Variants in LSAMP observed in about 807,000 individuals in gnomAD.
LSAMP encodes the protein limbic system-associated membrane protein.
In LSAMP, 7 loss-of-function variants were observed where a neutral mutation model predicts 38.6. The observed-to-expected ratio is 0.18, with a 90% CI of 0.10 to 0.34. The LOEUF (loss-of-function observed/expected upper bound fraction) is 0.34, where lower values mean the gene tolerates loss of function less well. LSAMP is among the 10% of genes least tolerant of loss of function. The probability of loss-of-function intolerance (pLI) is 1.00; values close to 1 mark genes in which losing one functional copy is unlikely to be tolerated. For missense variants in LSAMP, 313 were observed against 420.0 expected (o/e 0.75, Z 2.23); for synonymous variants, 154 against 166.8 (o/e 0.92, Z 0.59).
chr3:116,372,077 A>G (rs2048437019), intron 1 of LSAMP, among the ~76,000 whole-genome samples: 1 of 152,074 alleles, frequency 6.6e-6, no homozygotes, highest in Non-Finnish European at 1.5e-5. Flanking sequence ...GAAAGACAAC[A>G]CTATTAAGAT....
chr3:115,964,066 G>A (rs948029545), intron 3 of LSAMP, among the ~76,000 whole-genome samples: 8 of 152,100 alleles, frequency 5.3e-5, no homozygotes, highest in Non-Finnish European at 2.9e-5. Flanking sequence ...TTTAGTGTTA[G>A]TTTAAATGCC....
chr3:116,179,989 T>C (rs897005493), intron 1 of LSAMP, among the ~76,000 whole-genome samples: 3 of 152,232 alleles, frequency 2.0e-5, no homozygotes, highest in Admixed American at 2.0e-4. Flanking sequence ...TAAGTACTTA[T>C]AACATATTTA....
intron 3 of LSAMP, among the ~76,000 whole-genome samples, chr3:115,970,387 A>G (rs1320961407): frequency 6.6e-6 from 1 of 152,178 alleles, no homozygotes. Context: ...TTTGGCAATA[A>G]TTATAACAGT....
intron 3 of LSAMP, among the ~76,000 whole-genome samples, chr3:115,864,622 A>C (rs1020158339): frequency 6.6e-6 from 1 of 152,200 alleles, no homozygotes; most frequent in South Asian, 2.1e-4. Flanking sequence ...CAAGTCTTCT[A>C]AACTCCCTCA....
At chr3:116,330,866 G>A (rs776346005) in intron 1 of LSAMP, among the ~76,000 whole-genome samples, 2 of 151,956 alleles carry the variant, frequency 1.3e-5, no homozygotes, top group African/African-American at 4.8e-5. Context: ...AAATCATAAA[G>A]CATATAAAGA....
At chr3:116,279,432 T>A (rs553035334) in intron 1 of LSAMP, among the ~76,000 whole-genome samples, 226 of 152,316 alleles carry the variant, frequency 1.5e-3, no homozygotes, top group Middle Eastern at 3.4e-3. Flanking sequence ...TGTATAAACA[T>A]CACATCTTCA....
intron 3 of LSAMP, among the ~76,000 whole-genome samples, chr3:115,855,220 C>T (rs919743952): frequency 6.6e-6 from 1 of 152,086 alleles, no homozygotes; most frequent in Non-Finnish European, 1.5e-5. Flanking sequence ...TTTAGCTGCG[C>T]CAACTAAAGC....
chr3:116,333,568 C>T (rs1251615230), intron 1 of LSAMP, among the ~76,000 whole-genome samples: 1 of 149,282 alleles, frequency 6.7e-6, no homozygotes, highest in Non-Finnish European at 1.5e-5. Context: ...ATACAAGTAT[C>T]TTTTCTCAAC....
intron 1 of LSAMP, among the ~76,000 whole-genome samples, chr3:116,265,707 T>C (rs1471290886): frequency 6.6e-6 from 1 of 152,100 alleles, no homozygotes; most frequent in African/African-American, 2.4e-5. Flanking sequence ...TTAATCTAAT[T>C]GTGGTTAATC....
intron 1 of LSAMP, among the ~76,000 whole-genome samples, chr3:116,158,220 C>G (rs1197134866): frequency 6.6e-6 from 1 of 152,018 alleles, no homozygotes. Flanking sequence ...TAATAAGAGC[C>G]ATCTATGACA....
At chr3:116,221,937 C>T (rs571412996) in intron 1 of LSAMP, among the ~76,000 whole-genome samples, 2 of 150,964 alleles carry the variant, frequency 1.3e-5, no homozygotes, top group East Asian at 2.0e-4. Flanking sequence ...TCTCAAAAGA[C>T]TTTTTGGCCA....
intron 2 of LSAMP, among the ~76,000 whole-genome samples, chr3:116,039,274 T>A (rs1233772985): frequency 6.6e-6 from 1 of 152,216 alleles, no homozygotes; most frequent in Non-Finnish European, 1.5e-5. Context: ...CCCCCTCCTG[T>A]TTAGGTAATT....
rs866992876 is a variant in LSAMP, at chr3:116,257,770, T to A, written c.156-171214A>T. ...AACCTCATTACACCTACAGAGCTGC[T>A]GATACATGGTGGGTGCTCCATATAA... On this transcript the variant is annotated intron_variant, in intron 1 of 6. Transcript: ENST00000490035. 2.6e-5 allele frequency among the ~76,000 whole-genome samples: 4 copies of A among 152,322 alleles called. No homozygotes were observed. In the South Asian group the frequency reaches 6.2e-4, roughly 24 times the overall value.
At chr3:116,097,694 G>A (rs576073556) in intron 1 of LSAMP, among the ~76,000 whole-genome samples, 3 of 152,022 alleles carry the variant, frequency 2.0e-5, no homozygotes, top group Non-Finnish European at 4.4e-5. Context: ...AGGTAAAAGA[G>A]ACAAAGATAA....
intron 3 of LSAMP, among the ~76,000 whole-genome samples, chr3:115,974,843 A>C (rs1400521817): frequency 6.6e-6 from 1 of 151,958 alleles, no homozygotes; most frequent in African/African-American, 2.4e-5. Flanking sequence ...TTAAGGAGGG[A>C]GGTGGTTATA....
intron 3 of LSAMP, among the ~76,000 whole-genome samples, chr3:115,886,178 G>A (rs1201418625): frequency 6.6e-6 from 1 of 151,868 alleles, no homozygotes; most frequent in Non-Finnish European, 1.5e-5. Context: ...TTCTTTACTG[G>A]TAATGCAAAT....
chr3:116,326,296 A>G (rs969862305), intron 1 of LSAMP, among the ~76,000 whole-genome samples: 10 of 152,140 alleles, frequency 6.6e-5, no homozygotes, highest in Admixed American at 6.5e-4. Context: ...CCTATTCTCA[A>G]TTAGAATTAA....
chr3:116,260,778 G>C (rs2046815622), intron 1 of LSAMP, among the ~76,000 whole-genome samples: 1 of 152,148 alleles, frequency 6.6e-6, no homozygotes, highest in Non-Finnish European at 1.5e-5. Context: ...CAATTAGTGT[G>C]TATCTATGCC....
At chr3:116,211,227 A>C (rs2046152524) in intron 1 of LSAMP, among the ~76,000 whole-genome samples, 1 of 152,218 alleles carries the variant, frequency 6.6e-6, no homozygotes. Flanking sequence ...CAAAGGATGC[A>C]AAATTGCATT....
Sources: gnomAD v4.1 joint callset for allele counts (sites outside exome capture counted in the v4.1 genomes callset) on GRCh38, gnomAD v4.1.1 for gene constraint, MANE v1.5 for transcripts, NCBI Gene and HGNC (gene_info 2026-07-23, HGNC 2026-07-21) for gene names.